Variants in L1CAM observed in about 807,000 individuals in gnomAD.
The protein encoded by L1CAM is L1 cell adhesion molecule.
A neutral mutation model predicts 93.0 loss-of-function variants in L1CAM; 8 were observed. That is an observed-to-expected ratio of 0.09 (90% CI 0.05 to 0.16). L1CAM has a LOEUF of 0.16. L1CAM is among the 10% of genes least tolerant of loss of function. L1CAM has a pLI of 1.00. For synonymous variants in L1CAM, 453 were observed against 453.0 expected, an observed-to-expected ratio of 1.00 and a Z score of 0.00; for missense variants, 777 against 1,073.4, an observed-to-expected ratio of 0.72 and a Z score of 3.86.
In L1CAM at chrX:153,862,887, C is replaced by G. The variant is rs1557089371; in HGVS notation, c.3550G>C (p.Glu1184Gln). 1 of 1,207,529 alleles carries G rather than the reference C, an allele frequency of 8.3e-7. No individual in the cohort carries two copies. Among genetic ancestry groups the G allele is most frequent in the Non-Finnish European group, 1.1e-6 (1 of 892,134 alleles). Residue 1184 changes from glutamate to glutamine, a missense_variant, in exon 29 of 29, where the codon GAG becomes CAG. Coordinates refer to ENST00000370060, the MANE Select transcript of L1CAM (RefSeq NM_001278116.2). ...TGGCTGCTGCCAAAGGCCTTCTCCTCGTTGTCACTGCAGAGGCACAGGGCA... is the reference window on the plus strand; with the variant it reads ...TGGCTGCTGCCAAAGGCCTTCTCCTGGTTGTCACTGCAGAGGCACAGGGCA... ...GEYRSLESDN[E>Q]EKAFGSSQPS...
chrX:153,863,609 C>T (rs2064683485), intron 26 of L1CAM, 60 bp from the exon 27 acceptor site: 1 of 1,011,291 alleles, frequency 9.9e-7, no homozygotes, highest in Non-Finnish European at 1.4e-6. Flanking sequence ...GGGCTCCAGG[C>T]CCCTCTACGC....
chrX:153,871,815 G>A, intron 5 of L1CAM, among the ~76,000 whole-genome samples: 1 of 110,170 alleles, frequency 9.1e-6, no homozygotes, highest in Non-Finnish European at 1.9e-5. Context: ...TGACTGCAGT[G>A]ACTCAGGCAG....
intron 7 of L1CAM, 69 bp downstream of exon 7, chrX:153,870,721 T>C: frequency 9.2e-7 from 1 of 1,083,236 alleles, no homozygotes. Context: ...CAGATGGACC[T>C]ATGGTGGGAA....
chrX:153,883,591 G>A (rs2064858444), intron 1 of L1CAM: 1 of 270,618 alleles, frequency 3.7e-6, no homozygotes, highest in Admixed American at 4.9e-5. Flanking sequence ...CAGAGGACAG[G>A]GCAATGAGCA....
chrX:153,864,020 G>A lies in L1CAM; in HGVS notation c.3323-3C>T. 1 of 1,212,009 alleles carries A rather than the reference G, an allele frequency of 8.3e-7. No homozygotes were observed. Among genetic ancestry groups the A allele is most frequent in the Non-Finnish European group, 1.1e-6 (1 of 895,418 alleles). On this transcript the variant is annotated splice_region_variant and splice_polypyrimidine_tract_variant and intron_variant, in intron 25 of 28. Coordinates refer to ENST00000370060, the MANE Select transcript of L1CAM (RefSeq NM_001278116.2). Reference sequence around the variant, plus strand: ...AGCAGGAGGGAGCCTCACGCGGCCTGAGGGTGAGACACCAGCCCCCCGTGC... The same window carrying A: ...AGCAGGAGGGAGCCTCACGCGGCCTAAGGGTGAGACACCAGCCCCCCGTGC...
intron 16 of L1CAM, 21 bp downstream of exon 16, chrX:153,867,779 C>A (rs1244271520): frequency 3.4e-6 from 4 of 1,171,879 alleles, no homozygotes; most frequent in African/African-American, 1.8e-5. Context: ...GGTGGGGTGG[C>A]ACTGAGCTCA....
chrX:153,870,257 G>A lies in L1CAM; in HGVS notation c.807-17C>T, dbSNP rs1557092647. 11 of 1,206,362 alleles carry A rather than the reference G, an allele frequency of 9.1e-6. No homozygotes were observed. The highest frequency in any genetic ancestry group is 2.2e-5 in the Admixed American group (1 of 45,935). On this transcript the variant is annotated splice_polypyrimidine_tract_variant and intron_variant, in intron 8 of 28. Transcript: ENST00000370060. ...GGCGTGGGACTGCCCGGGAGGCAAA[G>A]GGAAGAGAGCAGAAGGGAGAAAGGA...
chrX:153,874,262 G>C (rs1557093976), intron 2 of L1CAM, among the ~76,000 whole-genome samples: 1 of 112,987 alleles, frequency 8.9e-6, no homozygotes, highest in African/African-American at 3.2e-5. Context: ...GGCAGCCTTG[G>C]AGCTGCCATG....
At chrX:153,875,493 T>G in intron 2 of L1CAM, 1 of 469,259 alleles carries the variant, frequency 2.1e-6, no homozygotes. Flanking sequence ...CTCGGGGCCC[T>G]GCTCCAGGTT....
chrX:153,875,988 CG>C, intron 1 of L1CAM, 44 bp from the exon 2 acceptor site: 1 of 513,311 alleles, frequency 1.9e-6, no homozygotes, highest in South Asian at 2.6e-5. Flanking sequence ...GGAAGAGAGA[CG>C]AGAGAACGGA....
chrX:153,879,288 G>A (rs2064831262), intron 1 of L1CAM, among the ~76,000 whole-genome samples: 1 of 111,384 alleles, frequency 9.0e-6, no homozygotes, highest in African/African-American at 3.3e-5. Flanking sequence ...TGGTTAGGGG[G>A]TGGGGAAATT....
chrX:153,880,474 A>G (rs1181531060), intron 1 of L1CAM: 1 of 234,159 alleles, frequency 4.3e-6, no homozygotes, highest in Non-Finnish European at 8.2e-6. Context: ...AGTGGGCCAG[A>G]GTGGGGGTGG....
At position 153,872,371 on chromosome X, in the gene L1CAM, G is replaced by T. The variant is rs781828081; in HGVS notation, c.198-17C>A. 5.8e-6 allele frequency: 7 copies of T among 1,198,023 alleles called. No individual in the cohort carries two copies. Among genetic ancestry groups the T allele is most frequent in the Admixed American group, 4.4e-5 (2 of 45,107 alleles). On this transcript the variant is annotated splice_polypyrimidine_tract_variant and intron_variant, in intron 4 of 28. Coordinates refer to ENST00000370060, the MANE Select transcript of L1CAM (RefSeq NM_001278116.2). ...CAGCGGAACCTGTGGGCGGAAAAAG[G>T]CCCAGAGGCCTGAGGCCCTGGAACC...
At chrX:153,880,659 G>C (rs186908002) in intron 1 of L1CAM, 1 of 341,384 alleles carries the variant, frequency 2.9e-6, no homozygotes, top group South Asian at 2.6e-5. Flanking sequence ...GGCCCTCCCC[G>C]CCCCGCTCCC....
chrX:153,883,813 C>T (rs1179947986), intron 1 of L1CAM: 1 of 342,070 alleles, frequency 2.9e-6, no homozygotes, highest in Non-Finnish European at 5.9e-6. Context: ...GCCTGGGCCA[C>T]TCTGCGAGGC....
Position 153,868,335 on chromosome X carries a change from C to G in L1CAM, c.1670G>C (p.Gly557Ala), listed in dbSNP as rs781845582. Residue 557 changes from glycine (G) to alanine (A), a missense_variant, in exon 14 of 29, where the codon GGT becomes GCT. Physicochemically the swap from Gly to Ala is moderately conservative, Grantham distance 60. This residue lies in a region of L1CAM where 574 missense variants were observed against 781.0 expected (regional missense o/e 0.73). Coordinates refer to ENST00000370060, the MANE Select transcript of L1CAM (RefSeq NM_001278116.2). ...LQPSITWRGD[G>A]RDLQELGDSD... ...GTCCCCAAGCTCCTGGAGGTCTCGACCGTCCCCACGCCAGGTGATGCTGGG... is the reference window on the plus strand; with the variant it reads ...GTCCCCAAGCTCCTGGAGGTCTCGAGCGTCCCCACGCCAGGTGATGCTGGG... 8.3e-6 allele frequency: 10 copies of G among 1,209,885 alleles called. No homozygotes were observed. The highest frequency in any genetic ancestry group is 4.4e-5 in the Admixed American group (2 of 45,802).
Position 153,870,163 on chromosome X carries a change from T to C in L1CAM, c.884A>G (p.Lys295Arg). The C allele has an allele frequency of 8.3e-7, 1 of 1,211,949 alleles. No homozygotes were observed. Residue 295 changes from lysine to arginine, a missense_variant, in exon 9 of 29, where the codon AAG (lysine) becomes AGG (arginine). By Grantham distance (26) the Lys-to-Arg change is conservative. Coordinates refer to ENST00000370060, the MANE Select transcript of L1CAM (RefSeq NM_001278116.2). Reference sequence around the variant, plus strand: ...GCCCACTTTCAGCAGCTGCAGGGTCTTGTTGTGGTTCTGGTAGGTGACACG... The same window carrying C: ...GCCCACTTTCAGCAGCTGCAGGGTCCTGTTGTGGTTCTGGTAGGTGACACG... ...ADRVTYQNHN[K>R]TLQLLKVGEE...
In L1CAM at chrX:153,870,528, G is replaced by T. The variant is rs782424198; in HGVS notation, c.695-29C>A. The T allele has an allele frequency of 1.1e-5, 12 of 1,113,421 alleles. No homozygotes were observed. The East Asian group carries it at 3.3e-4, about 31-fold the overall frequency. 91.8% of individuals were successfully genotyped at this position (1,113,421 alleles called of 1,213,427 possible). ...CCAGGAGAAAGTGGGTGGGTGGGCT[G>T]CCCACTCTTCCCTCCACCCCAGAAT... On this transcript the variant is annotated intron_variant, in intron 7 of 28. Transcript: ENST00000370060.
intron 25 of L1CAM, 69 bp from the exon 26 acceptor site, chrX:153,864,086 G>A: frequency 1.7e-6 from 2 of 1,192,821 alleles, no homozygotes; most frequent in Non-Finnish European, 2.3e-6. Flanking sequence ...CCTGAAGTAT[G>A]CTCTTAAAGT....
Sources: allele counts gnomAD v4.1 joint callset (sites outside exome capture counted in the v4.1 genomes callset), GRCh38; gene constraint gnomAD v4.1.1; regional missense constraint gnomAD v4.1.1; transcripts MANE v1.5; gene names NCBI Gene and HGNC (gene_info 2026-07-23, HGNC 2026-07-21).